SACS: variants seen among roughly 807,000 people sequenced by gnomAD.
SACS encodes sacsin.
Under a neutral mutation model 348.0 loss-of-function variants are expected in SACS, and 197 were observed. The ratio of observed to expected loss-of-function variants is 0.57; its 90% CI spans 0.50 to 0.64. The LOEUF (loss-of-function observed/expected upper bound fraction) is 0.64. Ranked by LOEUF, SACS falls within the 30% of genes least tolerant of loss-of-function variation. The pLI, the probability that SACS is intolerant of heterozygous loss-of-function variation, is 0.00. For missense variants in SACS, 4,999 were observed against 5,360.8 expected, an observed-to-expected ratio of 0.93 and a Z score of 2.11; for synonymous variants, 1,985 against 1,910.6, an observed-to-expected ratio of 1.04 and a Z score of -1.02.
intron 2 of SACS, among the ~76,000 whole-genome samples, chr13:23,396,685 A>C (rs2137913725): frequency 6.6e-6 from 1 of 152,300 alleles, no homozygotes; most frequent in African/African-American, 2.4e-5. Flanking sequence ...CACATATTTA[A>C]ATCTTTTCAC....
intron 1 of SACS, chr13:23,418,980 C>T (rs1873799890): frequency 6.6e-6 from 1 of 152,302 alleles, no homozygotes; most frequent in Non-Finnish European, 1.5e-5. Context: ...CATTTTGGCC[C>T]AGTTGGTGCT....
chr13:23,334,413 G>A lies in SACS; in HGVS notation c.9463C>T (p.Leu3155Phe). The A allele has an allele frequency of 6.2e-7, 1 of 1,612,928 alleles. No homozygotes were observed. The highest frequency in any genetic ancestry group is 8.5e-7 in the Non-Finnish European group (1 of 1,179,762). ...AAAACACTGTCCAGTGTGATGAGAAGGGGCAATCCCTCAACTTCAATCTCA... is the reference window on the plus strand; with the variant it reads ...AAAACACTGTCCAGTGTGATGAGAAAGGGCAATCCCTCAACTTCAATCTCA... ...ENEIEVEGLP[L>F]LITLDSVLQT... The change falls in exon 10 of 10, where the codon CTT (leucine) becomes TTT (phenylalanine). Residue 3155 changes from leucine (L) to phenylalanine (F), a missense_variant. This residue lies in a region of SACS where 734 missense variants were observed against 694.0 expected (regional missense o/e 1.06). Coordinates refer to ENST00000382292, the MANE Select transcript of SACS (RefSeq NM_014363.6).
rs757803646 is a variant in SACS at position 23,336,791 on chromosome 13, T to C, written c.7085A>G (p.His2362Arg). Residue 2362 changes from histidine (H) to arginine (R), a missense_variant, in exon 10 of 10, where the codon CAT becomes CGT. His to Arg is a conservative substitution (Grantham distance 29). This residue lies in a region of SACS where 3,156 missense variants were observed against 3,380.1 expected (regional missense o/e 0.93). Coordinates refer to ENST00000382292, the MANE Select transcript of SACS (RefSeq NM_014363.6). ...AYVDSEKVSF[H>R]LNFEAAPYLY... ...GTATGGTGCCGCCTCAAAATTTAAATGAAAAGAAACCTTTTCTGAGTCAAC... is the reference window on the plus strand; with the variant it reads ...GTATGGTGCCGCCTCAAAATTTAAACGAAAAGAAACCTTTTCTGAGTCAAC... 2 of 1,613,902 alleles carry C rather than the reference T, an allele frequency of 1.2e-6. No individual in the cohort carries two copies. The highest frequency in any genetic ancestry group is 1.7e-6 in the Non-Finnish European group (2 of 1,179,850).
intron 1 of SACS, among the ~76,000 whole-genome samples, chr13:23,412,452 T>G (rs1453625160): frequency 6.8e-6 from 1 of 147,876 alleles, no homozygotes; most frequent in Non-Finnish European, 1.5e-5. Context: ...CTCCCTCTAT[T>G]GTCCAGGCTG....
intron 6 of SACS, among the ~76,000 whole-genome samples, chr13:23,362,341 A>G (rs1465825840): frequency 6.6e-6 from 1 of 152,170 alleles, no homozygotes; most frequent in Non-Finnish European, 1.5e-5. Flanking sequence ...TGATTTGACA[A>G]TCTGAGCCTT....
chr13:23,396,678 A>C (rs9552943), intron 2 of SACS, among the ~76,000 whole-genome samples: 1 of 152,050 alleles, frequency 6.6e-6, no homozygotes, highest in African/African-American at 2.4e-5. Flanking sequence ...AGAAATCCAC[A>C]TATTTAAATC....
Position 23,337,268 on chromosome 13 carries a change from G to C in SACS, c.6608C>G (p.Ala2203Gly), listed in dbSNP as rs906205052. The change falls in exon 10 of 10, where the codon GCA becomes GGA. Residue 2203 changes from alanine to glycine, a missense_variant. Transcript: ENST00000382292. ...DEKLKIRDPR[A>G]KDFAAKYQTI... ...TTGATATTTTGCAGCAAAATCCTTT[G>C]CTCTAGGATCCCTTATTTTTAGTTT... 2 of 1,613,782 alleles carry C rather than the reference G, an allele frequency of 1.2e-6. No individual in the cohort carries two copies. Among genetic ancestry groups the C allele is most frequent in the Non-Finnish European group, 8.5e-7 (1 of 1,179,870 alleles).
intron 9 of SACS, among the ~76,000 whole-genome samples, chr13:23,351,896 A>G (rs1422726603): frequency 6.6e-6 from 1 of 152,186 alleles, no homozygotes; most frequent in Non-Finnish European, 1.5e-5. Context: ...TGACACCAAA[A>G]TAACAACTTG....
At chr13:23,347,217 AATTTTT>A (rs1869664229) in intron 9 of SACS, among the ~76,000 whole-genome samples, 1 of 152,204 alleles carries the variant, frequency 6.6e-6, no homozygotes, top group Non-Finnish European at 1.5e-5. Context: ...TGATTTTTTA[AATTTTT>A]AATTTTTAAA....
At chr13:23,346,135 TTTTG>T (rs899217971) in intron 9 of SACS, among the ~76,000 whole-genome samples, 20 of 152,108 alleles carry the variant, frequency 1.3e-4, no homozygotes, top group Middle Eastern at 3.4e-3. Context: ...TCTCTGTTCT[TTTTG>T]TTTGTTTTTG....
chr13:23,345,779 G>T (rs1869559622), intron 9 of SACS, among the ~76,000 whole-genome samples: 1 of 152,064 alleles, frequency 6.6e-6, no homozygotes, highest in Non-Finnish European at 1.5e-5. Flanking sequence ...TGTATCACCT[G>T]CTTCAAATAA....
chr13:23,367,926 AC>A (rs967064457), intron 5 of SACS, among the ~76,000 whole-genome samples: 3 of 152,236 alleles, frequency 2.0e-5, no homozygotes, highest in South Asian at 2.1e-4. Context: ...AACTAAAAAA[AC>A]ATATTACAAA....
intron 9 of SACS, 58 bp downstream of exon 9, chr13:23,353,727 T>C (rs1177186858): frequency 3.0e-6 from 3 of 998,876 alleles, no homozygotes; most frequent in Non-Finnish European, 4.5e-6. Context: ...CAGAAAACTT[T>C]TAAAAAACTT....
chr13:23,341,253 C>T lies in SACS; in HGVS notation c.2623G>A (p.Ala875Thr). 6.2e-7 allele frequency: 1 copy of T among 1,613,810 alleles called. No individual in the cohort carries two copies. The highest frequency in any genetic ancestry group is 2.2e-5 in the East Asian group (1 of 44,868). The stretch of plus-strand genomic sequence containing the variant: ...ATCTTCTCCATTATCTGCAAAACAG[C>T]ACTTGGTAATGGTGAATGAATATAT... Reference protein sequence around the residue: ...KKYIHSPLPSAVLQIMEKMPL... With the variant: ...KKYIHSPLPSTVLQIMEKMPL... The change falls in exon 10 of 10, where the codon GCT (alanine) becomes ACT (threonine). Residue 875 changes from alanine to threonine, a missense_variant. Physicochemically the swap from Ala to Thr is moderately conservative, Grantham distance 58. Transcript: ENST00000382292.
At chr13:23,372,708 A>G (rs1386309367) in intron 3 of SACS, among the ~76,000 whole-genome samples, 2 of 152,070 alleles carry the variant, frequency 1.3e-5, no homozygotes, top group East Asian at 3.9e-4. Context: ...ACTGGTCATC[A>G]TACTTCCCCC....
At chr13:23,347,822 C>T (rs1164221107) in intron 9 of SACS, among the ~76,000 whole-genome samples, 2 of 152,084 alleles carry the variant, frequency 1.3e-5, no homozygotes, top group Admixed American at 1.3e-4. Flanking sequence ...GAGGGAGGGA[C>T]AGAACATGCT....
rs747574123 is a variant in SACS, at chr13:23,339,754, G to A, written c.4122C>T (p.Ser1374=). 6 of 1,614,110 alleles carry A rather than the reference G, an allele frequency of 3.7e-6. No individual in the cohort carries two copies. Among genetic ancestry groups the A allele is most frequent in the African/African-American group, 2.7e-5 (2 of 75,042 alleles). ...RWLYSNQIPA[S]PNTPVPIHHS... ...GATGTATAGGAACTGGTGTGTTGGGGCTTGCTGGAATCTGATTGCTATACA... is the reference window on the plus strand; with the variant it reads ...GATGTATAGGAACTGGTGTGTTGGGACTTGCTGGAATCTGATTGCTATACA... Residue 1374 remains serine, a synonymous_variant, in exon 10 of 10, where the codon AGC becomes AGT. Coordinates refer to ENST00000382292, the MANE Select transcript of SACS (RefSeq NM_014363.6).
Position 23,330,593 on chromosome 13 carries a change from T to G in SACS, c.13283A>C (p.Tyr4428Ser), listed in dbSNP as rs1455973989. Reference protein sequence around the residue: ...EKCPPSAGQTYSQRFFVPPTF... With the variant: ...EKCPPSAGQTSSQRFFVPPTF... Reference sequence around the variant, plus strand: ...GGGAGGAACAAAGAACCTTTGAGAGTAAGTCTGTCCGGCTGAAGGGGGGCA... The same window carrying G: ...GGGAGGAACAAAGAACCTTTGAGAGGAAGTCTGTCCGGCTGAAGGGGGGCA... Residue 4428 changes from tyrosine (Y) to serine (S), a missense_variant, in exon 10 of 10, where the codon TAC becomes TCC. Tyr to Ser is a moderately radical substitution (Grantham distance 144). Around this residue, in one of 6 missense-constraint regions of SACS, gnomAD observed 254 missense variants for 275.1 expected, o/e 0.92. Transcript: ENST00000382292. The G allele has an allele frequency of 6.2e-7, 1 of 1,613,782 alleles. No individual in the cohort carries two copies. Among genetic ancestry groups the G allele is most frequent in the Non-Finnish European group, 8.5e-7 (1 of 1,179,986 alleles).
At position 23,339,925 on chromosome 13, in the gene SACS, T is replaced by C. The variant is rs1276993951; in HGVS notation, c.3951A>G (p.Leu1317=). 4 of 1,613,948 alleles carry C rather than the reference T, an allele frequency of 2.5e-6. No individual in the cohort carries two copies. The highest frequency in any genetic ancestry group is 2.2e-5 in the South Asian group (2 of 91,046). ...VPKTMAKFHQ[L]FKVCGSIEEL... Reference sequence around the variant, plus strand: ...CCTCTATTGAACCACAGACCTTAAATAGTTGGTGGAATTTTGCCATGGTTT... The same window carrying C: ...CCTCTATTGAACCACAGACCTTAAACAGTTGGTGGAATTTTGCCATGGTTT... The change falls in exon 10 of 10, where the codon CTA becomes CTG. Residue 1317 remains leucine (L), a synonymous_variant. Transcript: ENST00000382292.
Sources: gnomAD v4.1 joint callset for allele counts (sites outside exome capture counted in the v4.1 genomes callset) on GRCh38, gnomAD v4.1.1 for gene constraint, gnomAD v4.1.1 regional missense constraint, MANE v1.5 for transcripts, NCBI Gene and HGNC (gene_info 2026-07-23, HGNC 2026-07-21) for gene names.